The following SCLT1 variants were observed in gnomAD, a reference collection of about 807,000 sequenced individuals.
The protein encoded by SCLT1 is sodium channel-associated protein 1.
SCLT1 carries 78 observed loss-of-function variants against 112.8 expected under a neutral mutation model. The observed-to-expected ratio is 0.69, with a 90% CI of 0.58 to 0.83. The LOEUF (loss-of-function observed/expected upper bound fraction) is 0.83. SCLT1 is among the 40% of genes least tolerant of loss of function. The pLI, the probability that SCLT1 is intolerant of heterozygous loss-of-function variation, is 0.00. For synonymous variants in SCLT1, 257 were observed against 254.7 expected, an observed-to-expected ratio of 1.01 and a Z score of -0.09; for missense variants, 747 against 770.4, an observed-to-expected ratio of 0.97 and a Z score of 0.36.
intron 8 of SCLT1, 27 bp downstream of exon 8, chr4:128,997,834 ATAGGGACAATTTC>A (rs1435584983): frequency 1.1e-6 from 1 of 930,760 alleles, no homozygotes; most frequent in Admixed American, 2.6e-5. Context: ...ATGATTATTT[ATAGGGACAATTTC>A]TAGTTTATAT....
intron 18 of SCLT1, among the ~76,000 whole-genome samples, chr4:128,906,349 C>G (rs1028853663): frequency 1.3e-5 from 2 of 152,066 alleles, no homozygotes; most frequent in African/African-American, 2.4e-5. Context: ...AGGTGCCCAC[C>G]ACCACACCTG....
intron 9 of SCLT1, among the ~76,000 whole-genome samples, chr4:128,975,039 A>ATTTTTTTTTTTTT (rs1579564140): frequency 3.0e-4 from 18 of 60,128 alleles, no homozygotes; most frequent in African/African-American, 1.0e-3. Flanking sequence ...TTGAATGACA[A>ATTTTTTTTTTTTT]CTTTTTTTTT....
rs774743481 is a variant in SCLT1 at position 128,952,759 on chromosome 4, T to A, written c.1218+10A>T. 5.8e-6 allele frequency: 8 copies of A among 1,391,124 alleles called. No individual in the cohort carries two copies. The highest frequency in any genetic ancestry group is 8.2e-6 in the Non-Finnish European group (8 of 977,132). 86.2% of individuals were successfully genotyped at this position (1,391,124 alleles called of 1,614,324 possible). ...TATTTGGAAGAAAATATCAGTATAG[T>A]CAAACATACCATTTGAAGGGCTGAA... On this transcript the variant is annotated intron_variant, in intron 14 of 20. Coordinates refer to ENST00000281142, the MANE Select transcript of SCLT1 (RefSeq NM_144643.4).
At chr4:128,886,933 C>T (rs1689811467) in intron 20 of SCLT1, among the ~76,000 whole-genome samples, 2 of 152,098 alleles carry the variant, frequency 1.3e-5, no homozygotes, top group South Asian at 2.1e-4. Context: ...AAAAGGTAAA[C>T]GTGAAGCTTT....
intron 2 of SCLT1, among the ~76,000 whole-genome samples, chr4:129,061,750 G>C (rs1451500942): frequency 1.3e-5 from 2 of 152,130 alleles, no homozygotes; most frequent in East Asian, 3.9e-4. Context: ...GCTCAGTCTT[G>C]AGATGCTGAA....
rs767420380 is a variant in SCLT1 at position 128,959,659 on chromosome 4, T to C, written c.988A>G (p.Ile330Val). Residue 330 changes from isoleucine (I) to valine (V), a missense_variant, in exon 12 of 21, where the codon ATT (isoleucine) becomes GTT (valine). Transcript: ENST00000281142. ...TGCATGCTATTTCTGGCTCTTACAA[T>C]AGCCTCATATCTCTCATTTTCTAAT... ...NELENERYEAIVRARNSMQLL... is the reference protein window; with the variant it reads ...NELENERYEAVVRARNSMQLL... 2 of 1,613,444 alleles carry C rather than the reference T, an allele frequency of 1.2e-6. No homozygotes were observed. The highest frequency in any genetic ancestry group is 1.7e-6 in the Non-Finnish European group (2 of 1,179,524).
chr4:129,076,469 G>A (rs1751473682), intron 2 of SCLT1, among the ~76,000 whole-genome samples: 3 of 152,024 alleles, frequency 2.0e-5, no homozygotes, highest in African/African-American at 4.8e-5. Flanking sequence ...AAAGGGTAAT[G>A]AGTAGAAAAA....
At chr4:128,876,195 A>AT (rs1732515901) in intron 4 of SCLT1, among the ~76,000 whole-genome samples, 1 of 152,192 alleles carries the variant, frequency 6.6e-6, no homozygotes, top group Non-Finnish European at 1.5e-5. Context: ...CTAATTTATA[A>AT]TTTTTGTAAG....
intron 2 of SCLT1, among the ~76,000 whole-genome samples, chr4:129,067,212 T>C (rs1209373721): frequency 6.6e-6 from 1 of 152,074 alleles, no homozygotes; most frequent in Non-Finnish European, 1.5e-5. Flanking sequence ...TCTTGGCTCA[T>C]TATCTTTTGT....
chr4:129,044,943 C>G (rs1166142395), intron 2 of SCLT1, among the ~76,000 whole-genome samples: 3 of 150,918 alleles, frequency 2.0e-5, no homozygotes, highest in Non-Finnish European at 4.4e-5. Context: ...CAGTAACAAA[C>G]ACAACAGTAT....
At chr4:128,903,473 ATAG>A (rs1419490317) in intron 18 of SCLT1, among the ~76,000 whole-genome samples, 4 of 152,152 alleles carry the variant, frequency 2.6e-5, no homozygotes, top group Admixed American at 6.5e-5. Flanking sequence ...TATAGAAAAC[ATAG>A]TAGTTAGAAA....
rs13150648 is a variant in SCLT1 at position 128,896,759 on chromosome 4, G to T, written c.1830-5622C>A. Among the ~76,000 whole-genome samples, 306 of 152,212 alleles carry T rather than the reference G, an allele frequency of 2.0e-3. 1 individual carries two copies. Among genetic ancestry groups the T allele is most frequent in the Non-Finnish European group, 3.1e-3 (209 of 68,022 alleles). The stretch of plus-strand genomic sequence containing the variant: ...GTAGGAAGTTTGAACCCATGGCAAA[G>T]AAGTTAAAAACCCTGAAAAAAAATT... On this transcript the variant is annotated intron_variant, in intron 18 of 20. Coordinates refer to ENST00000281142, the MANE Select transcript of SCLT1 (RefSeq NM_144643.4).
chr4:129,004,882 A>T (rs1411123968), intron 5 of SCLT1, among the ~76,000 whole-genome samples: 1 of 151,628 alleles, frequency 6.6e-6, no homozygotes, highest in South Asian at 2.1e-4. Context: ...TTCTCTAATT[A>T]AAAAACTTAC....
At chr4:129,045,816 T>A (rs1248494360) in intron 2 of SCLT1, among the ~76,000 whole-genome samples, 2 of 152,068 alleles carry the variant, frequency 1.3e-5, no homozygotes, top group Non-Finnish European at 2.9e-5. Flanking sequence ...ATTTTTAACA[T>A]CTTACTCTGT....
chr4:128,906,896 A>T (rs1734734491), intron 18 of SCLT1, among the ~76,000 whole-genome samples: 1 of 152,176 alleles, frequency 6.6e-6, no homozygotes, highest in Non-Finnish European at 1.5e-5. Context: ...ATGCTATAAA[A>T]ACTTCATGGT....
chr4:128,918,424 C>A (rs562265192), intron 18 of SCLT1, among the ~76,000 whole-genome samples: 2 of 152,186 alleles, frequency 1.3e-5, no homozygotes, highest in South Asian at 4.2e-4. Context: ...AATCAACCAA[C>A]CTGAGGAAAG....
At chr4:128,978,485 T>A (rs1741377478) in intron 9 of SCLT1, among the ~76,000 whole-genome samples, 1 of 150,610 alleles carries the variant, frequency 6.6e-6, no homozygotes, top group Non-Finnish European at 1.5e-5. Context: ...AGAGAAGAAA[T>A]CATGGCATAA....
At chr4:128,923,727 T>C (rs999113294) in intron 18 of SCLT1, among the ~76,000 whole-genome samples, 1 of 152,114 alleles carries the variant, frequency 6.6e-6, no homozygotes, top group East Asian at 1.9e-4. Flanking sequence ...TGTTTATCCA[T>C]GCACCTGGTG....
At chr4:129,052,997 T>C (rs1748963201) in intron 2 of SCLT1, among the ~76,000 whole-genome samples, 1 of 152,206 alleles carries the variant, frequency 6.6e-6, no homozygotes, top group Admixed American at 6.5e-5. Context: ...CCAGTAGTCA[T>C]TCAAGAGCAG....
Sources: allele counts gnomAD v4.1 joint callset (sites outside exome capture counted in the v4.1 genomes callset), GRCh38; gene constraint gnomAD v4.1.1; transcripts MANE v1.5; gene names NCBI Gene and HGNC (gene_info 2026-07-23, HGNC 2026-07-21).